Variants in CNTNAP4 observed in about 807,000 individuals in gnomAD.
CNTNAP4 encodes the protein contactin-associated protein-like 4.
A neutral mutation model predicts 148.4 loss-of-function variants in CNTNAP4; 98 were observed. The observed-to-expected ratio is 0.66, with a 90% CI of 0.56 to 0.78. The LOEUF (loss-of-function observed/expected upper bound fraction) is 0.78. Among genes scored for constraint, CNTNAP4 ranks in the 30% least tolerant of loss-of-function variants. The pLI is 0.00. For synonymous variants in CNTNAP4, 730 were observed against 565.1 expected (o/e 1.29, Z -4.14); for missense variants, 1,935 against 1,565.6 (o/e 1.24, Z -3.98).
chr16:76,420,192 A>T (rs530083621), intron 3 of CNTNAP4, among the ~76,000 whole-genome samples: 1 of 66,000 alleles, frequency 1.5e-5, no homozygotes, highest in Admixed American at 1.8e-4. Context: ...TTCTAACAGA[A>T]TAATATGTAT....
intron 3 of CNTNAP4, among the ~76,000 whole-genome samples, chr16:76,395,046 A>G (rs2078149118): frequency 6.6e-6 from 1 of 152,106 alleles, no homozygotes; most frequent in South Asian, 2.1e-4. Flanking sequence ...TTTTTCAGAC[A>G]AAATTGTATG....
In CNTNAP4 at chr16:76,522,242, A is replaced by G; in HGVS notation, c.2740A>G (p.Ser914Gly). 1 of 1,613,852 alleles carries G rather than the reference A, an allele frequency of 6.2e-7. No homozygotes were observed. The highest frequency in any genetic ancestry group is 2.2e-5 in the East Asian group (1 of 44,882). Residue 914 changes from serine (S) to glycine (G), a missense_variant, in exon 17 of 24, where the codon AGT becomes GGT. By Grantham distance (56) the Ser-to-Gly change is moderately conservative. Transcript: ENST00000611870. ...ADGHVLLQLN[S>G]QLFVGGTATR... ...TGGGCATGTCCTGTTACAGCTCAAC[A>G]GTCAGCTCTTCGTGGGTAAGTTCTC...
intron 3 of CNTNAP4, among the ~76,000 whole-genome samples, chr16:76,400,387 GT>G (rs1170852349): frequency 6.6e-6 from 1 of 151,902 alleles, no homozygotes; most frequent in Non-Finnish European, 1.5e-5. Flanking sequence ...ACAATTATTT[GT>G]CAATTAAAAA....
intron 4 of CNTNAP4, among the ~76,000 whole-genome samples, chr16:76,435,141 C>T (rs922660499): frequency 1.3e-5 from 2 of 152,246 alleles, no homozygotes; most frequent in East Asian, 3.9e-4. Context: ...CCTGGCCTCC[C>T]CTTCATTCAA....
chr16:76,542,907 A>T (rs2084526075), intron 21 of CNTNAP4, among the ~76,000 whole-genome samples: 1 of 152,198 alleles, frequency 6.6e-6, no homozygotes, highest in South Asian at 2.1e-4. Context: ...TACCACTGTG[A>T]GTAGAAATAT....
chr16:76,306,020 A>C (rs1960442517), intron 1 of CNTNAP4, among the ~76,000 whole-genome samples: 1 of 152,212 alleles, frequency 6.6e-6, no homozygotes, highest in African/African-American at 2.4e-5. Context: ...ATAATATTCC[A>C]TGGTATATAT....
At chr16:76,470,496 T>TATATATATATATATATATATAA (rs1381766837) in intron 10 of CNTNAP4, among the ~76,000 whole-genome samples, 1 of 57,064 alleles carries the variant, frequency 1.8e-5, no homozygotes, top group African/African-American at 4.4e-5. Flanking sequence ...TATATATATA[T>TATATATATATATATATATATAA]AAAATTAGTC....
At chr16:76,383,590 A>G (rs536266677) in intron 3 of CNTNAP4, among the ~76,000 whole-genome samples, 2 of 152,322 alleles carry the variant, frequency 1.3e-5, no homozygotes, top group African/African-American at 4.8e-5. Flanking sequence ...TCCCGATTTA[A>G]ACAATATTGC....
At chr16:76,330,000 G>C (rs1421437440) in intron 2 of CNTNAP4, among the ~76,000 whole-genome samples, 1 of 152,162 alleles carries the variant, frequency 6.6e-6, no homozygotes, top group Non-Finnish European at 1.5e-5. Flanking sequence ...GTGCTGTGCA[G>C]ACACTTCCCA....
chr16:76,386,608 T>A (rs1436234158), intron 3 of CNTNAP4, among the ~76,000 whole-genome samples: 2 of 151,962 alleles, frequency 1.3e-5, no homozygotes, highest in African/African-American at 4.9e-5. Flanking sequence ...AGAAACATAG[T>A]AGGTACTCAG....
chr16:76,309,793 A>G (rs1960893598), intron 1 of CNTNAP4: 2 of 696,962 alleles, frequency 2.9e-6, no homozygotes, highest in Non-Finnish European at 5.2e-6. Flanking sequence ...TTCTCGTGAT[A>G]GTGAGTAAGT....
chr16:76,492,652 C>T (rs1048735680), intron 13 of CNTNAP4, among the ~76,000 whole-genome samples: 1 of 152,174 alleles, frequency 6.6e-6, no homozygotes, highest in Admixed American at 6.5e-5. Flanking sequence ...TTCCTCCATA[C>T]TGTTCTCATG....
At chr16:76,397,559 CAG>C (rs535020084) in intron 3 of CNTNAP4, among the ~76,000 whole-genome samples, 120 of 151,958 alleles carry the variant, frequency 7.9e-4, no homozygotes, top group African/African-American at 2.8e-3. Context: ...TTTCTAGGAA[CAG>C]AATATATAGC....
At chr16:76,414,845 A>G (rs2078920385) in intron 3 of CNTNAP4, among the ~76,000 whole-genome samples, 1 of 151,352 alleles carries the variant, frequency 6.6e-6, no homozygotes, top group Admixed American at 6.6e-5. Context: ...TCATCGTAAG[A>G]TGCTCTTTTG....
chr16:76,281,663 A>G (rs1032693708), intron 1 of CNTNAP4, among the ~76,000 whole-genome samples: 4 of 152,084 alleles, frequency 2.6e-5, no homozygotes, highest in Non-Finnish European at 5.9e-5. Flanking sequence ...ATAGATTAAT[A>G]GAATTATATA....
At chr16:76,474,059 A>C (rs1506812) in intron 10 of CNTNAP4, among the ~76,000 whole-genome samples, 55,105 of 151,880 alleles carry the variant, frequency 0.36, 11,416 homozygotes, top group Middle Eastern at 0.48. Flanking sequence ...TAGACCTAAC[A>C]CTTTGATTTT....
At chr16:76,395,833 A>C (rs1274066083) in intron 3 of CNTNAP4, among the ~76,000 whole-genome samples, 1 of 151,556 alleles carries the variant, frequency 6.6e-6, no homozygotes, top group Non-Finnish European at 1.5e-5. Context: ...AGTTCAAGTG[A>C]TCCTCCTGCC....
intron 17 of CNTNAP4, among the ~76,000 whole-genome samples, chr16:76,528,441 T>A (rs2083834246): frequency 6.6e-6 from 1 of 152,126 alleles, no homozygotes. Flanking sequence ...ATTTTTTGTA[T>A]TTTTTGTAGA....
chr16:76,489,610 G>T, intron 12 of CNTNAP4, 76 bp from the exon 13 acceptor site: 1 of 799,812 alleles, frequency 1.3e-6, no homozygotes, highest in South Asian at 3.7e-5. Context: ...AGGTGATTTT[G>T]ATTTTCTTTA....
Sources: gnomAD v4.1 joint callset for allele counts (sites outside exome capture counted in the v4.1 genomes callset) on GRCh38, gnomAD v4.1.1 for gene constraint, MANE v1.5 for transcripts, NCBI Gene and HGNC (gene_info 2026-07-23, HGNC 2026-07-21) for gene names.